MAST4: variants seen among roughly 807,000 people sequenced by gnomAD.
The protein encoded by MAST4 is microtubule associated serine/threonine kinase family member 4, also known as microtubule-associated serine/threonine-protein kinase 4.
MAST4 carries 89 observed loss-of-function variants against 162.7 expected under a neutral mutation model. That is an observed-to-expected ratio of 0.55 (90% CI 0.46 to 0.65). MAST4 has a LOEUF of 0.65. MAST4 is among the 30% of genes least tolerant of loss of function. MAST4 has a pLI of 0.00. For synonymous variants in MAST4, 1,479 were observed against 1,361.1 expected, an observed-to-expected ratio of 1.09 and a Z score of -1.91; for missense variants, 3,153 against 3,374.0, an observed-to-expected ratio of 0.93 and a Z score of 1.62.
At chr5:66,604,828 G>A (rs532060516) in intron 1 of MAST4, among the ~76,000 whole-genome samples, 9 of 152,216 alleles carry the variant, frequency 5.9e-5, no homozygotes, top group Non-Finnish European at 1.2e-4. Flanking sequence ...AATGCAGGAA[G>A]GGCCTCAGGG....
At position 66,896,518 on chromosome 5, in the gene MAST4, G is replaced by T. The variant is rs190751106; in HGVS notation, c.643-3433G>T. Reference sequence around the variant, plus strand: ...TAAGCTCTACCATTTGAAGAAGGGAGTATCTACATGTATTATTTGGGCTTC... The same window carrying T: ...TAAGCTCTACCATTTGAAGAAGGGATTATCTACATGTATTATTTGGGCTTC... On this transcript the variant is annotated intron_variant, in intron 3 of 28. Coordinates refer to ENST00000403625, the MANE Select transcript of MAST4 (RefSeq NM_001164664.2). 1.1e-4 allele frequency among the ~76,000 whole-genome samples: 16 copies of T among 152,320 alleles called. No individual in the cohort carries two copies. In the East Asian group the frequency reaches 2.3e-3, roughly 22 times the overall value.
chr5:66,750,997 C>G (rs910327088), intron 1 of MAST4, among the ~76,000 whole-genome samples: 1 of 152,170 alleles, frequency 6.6e-6, no homozygotes, highest in South Asian at 2.1e-4. Flanking sequence ...CCCTGACCCC[C>G]AAGCAGCCTA....
intron 3 of MAST4, among the ~76,000 whole-genome samples, chr5:66,866,331 A>C (rs924842137): frequency 3.9e-5 from 6 of 152,172 alleles, no homozygotes; most frequent in Non-Finnish European, 8.8e-5. Flanking sequence ...CAAGGTTATT[A>C]ATAATAGAAG....
chr5:67,044,752 G>A (rs1381280416), intron 4 of MAST4, among the ~76,000 whole-genome samples: 14 of 152,142 alleles, frequency 9.2e-5, no homozygotes, highest in Non-Finnish European at 1.9e-4. Context: ...GCCTTAACGA[G>A]CCTTCCTGCC....
chr5:66,842,407 G>T (rs1758492894), intron 3 of MAST4, among the ~76,000 whole-genome samples: 1 of 152,002 alleles, frequency 6.6e-6, no homozygotes, highest in Non-Finnish European at 1.5e-5. Context: ...TGATGTGTTG[G>T]CTTTCCACCT....
At chr5:67,108,281 A>T (rs553085118) in intron 10 of MAST4, among the ~76,000 whole-genome samples, 1 of 152,326 alleles carries the variant, frequency 6.6e-6, no homozygotes, top group South Asian at 2.1e-4. Context: ...TGAATTTATA[A>T]ACCAAAAATG....
intron 4 of MAST4, among the ~76,000 whole-genome samples, chr5:67,000,794 CAG>C (rs1751208588): frequency 6.6e-6 from 1 of 150,756 alleles, no homozygotes; most frequent in Non-Finnish European, 1.5e-5. Flanking sequence ...GGGCAGTAGA[CAG>C]AATTCAAGTC....
chr5:67,027,036 A>G (rs545510313), intron 4 of MAST4, among the ~76,000 whole-genome samples: 3 of 152,142 alleles, frequency 2.0e-5, no homozygotes, highest in African/African-American at 7.2e-5. Flanking sequence ...TTTACATAAG[A>G]TTATTATCTT....
intron 3 of MAST4, among the ~76,000 whole-genome samples, chr5:66,812,139 A>G (rs915625884): frequency 1.3e-5 from 2 of 152,196 alleles, no homozygotes; most frequent in Admixed American, 6.5e-5. Context: ...TTAGAAGGCT[A>G]TCGATAAGTC....
chr5:66,927,594 A>C (rs1045599986), intron 4 of MAST4, among the ~76,000 whole-genome samples: 17 of 152,178 alleles, frequency 1.1e-4, no homozygotes, highest in Admixed American at 9.8e-4. Context: ...TGGTGGCTGA[A>C]GGGGCTTGAG....
intron 2 of MAST4, among the ~76,000 whole-genome samples, chr5:66,781,179 C>T (rs919974276): frequency 1.3e-5 from 2 of 152,094 alleles, no homozygotes; most frequent in African/African-American, 4.8e-5. Context: ...CTATTTGAGC[C>T]CCTACTTTTA....
At chr5:66,968,003 G>C (rs1248072110) in intron 4 of MAST4, among the ~76,000 whole-genome samples, 1 of 152,114 alleles carries the variant, frequency 6.6e-6, no homozygotes, top group Non-Finnish European at 1.5e-5. Context: ...ACTCGTGCCA[G>C]CTCCTAATCT....
At chr5:66,884,620 G>A (rs1761921022) in intron 3 of MAST4, among the ~76,000 whole-genome samples, 1 of 152,176 alleles carries the variant, frequency 6.6e-6, no homozygotes, top group Non-Finnish European at 1.5e-5. Context: ...TGTTAATGTT[G>A]TAATACTCTG....
chr5:66,809,394 TCAA>T lies in MAST4; in HGVS notation c.642+20608_642+20610del, dbSNP rs1330222972. Among the ~76,000 whole-genome samples the T allele has an allele frequency of 2.6e-5, 4 of 152,304 alleles. No homozygotes were observed. In the East Asian group the frequency reaches 7.7e-4, roughly 29 times the overall value. On this transcript the variant is annotated intron_variant, in intron 3 of 28. Coordinates refer to ENST00000403625, the MANE Select transcript of MAST4 (RefSeq NM_001164664.2). ...CTGTATAGTTGTGATTGGCAGTTGA[TCAA>T]CAACAACTTGTAGTGTCCTCATTTG...
intron 1 of MAST4, among the ~76,000 whole-genome samples, chr5:66,605,890 A>G (rs1372863295): frequency 6.6e-6 from 1 of 152,230 alleles, no homozygotes; most frequent in East Asian, 1.9e-4. Context: ...ATTTCTACCC[A>G]GAGAAAGCTT....
At chr5:67,050,456 C>G (rs758599554) in intron 4 of MAST4, among the ~76,000 whole-genome samples, 1 of 152,196 alleles carries the variant, frequency 6.6e-6, no homozygotes, top group Non-Finnish European at 1.5e-5. Context: ...GCAGCCAGTC[C>G]TCCCTCAAGG....
chr5:66,829,811 C>T (rs1757478032), intron 3 of MAST4, among the ~76,000 whole-genome samples: 1 of 151,318 alleles, frequency 6.6e-6, no homozygotes. Flanking sequence ...GCTTTTTGTT[C>T]TAAGTATCAA....
At chr5:67,073,018 T>C (rs1761162393) in intron 5 of MAST4, among the ~76,000 whole-genome samples, 1 of 151,918 alleles carries the variant, frequency 6.6e-6, no homozygotes, top group Admixed American at 6.5e-5. Flanking sequence ...CATGAGTATG[T>C]ATATGTGTGT....
chr5:66,854,765 A>G (rs966558734), intron 3 of MAST4, among the ~76,000 whole-genome samples: 3 of 152,138 alleles, frequency 2.0e-5, no homozygotes, highest in Non-Finnish European at 4.4e-5. Flanking sequence ...AAAAAAAGGT[A>G]TGAAGGCCAG....
Sources: allele counts gnomAD v4.1 joint callset (sites outside exome capture counted in the v4.1 genomes callset), GRCh38; gene constraint gnomAD v4.1.1; transcripts MANE v1.5; gene names NCBI Gene and HGNC (gene_info 2026-07-23, HGNC 2026-07-21).